Variants in RASA3 observed in about 807,000 individuals in gnomAD.
RASA3 encodes RAS p21 protein activator 3.
In RASA3, 73 loss-of-function variants were observed where a neutral mutation model predicts 110.0. The ratio of observed to expected loss-of-function variants is 0.66; its 90% CI spans 0.55 to 0.81. The LOEUF is 0.81. RASA3 is among the 30% of genes least tolerant of loss of function. The probability of loss-of-function intolerance (pLI) is 0.00; values close to 1 mark genes in which losing one functional copy is unlikely to be tolerated. For synonymous variants in RASA3, 500 were observed against 451.4 expected (o/e 1.11, Z -1.37); for missense variants, 976 against 1,113.2 (o/e 0.88, Z 1.75).
At position 113,979,225 on chromosome 13, in the gene RASA3, A is replaced by G. The variant is rs1256279404; in HGVS notation, c.*122T>C. On this transcript the variant is annotated 3_prime_UTR_variant, in exon 24 of 24. Coordinates refer to ENST00000334062, the MANE Select transcript of RASA3 (RefSeq NM_007368.4). ...AGGGAAACCCCAGCGCCACTTGTCT[A>G]TGGGCCGGGACGGCGTGCATCTCAC... The G allele has an allele frequency of 2.1e-6, 2 of 971,544 alleles. No individual in the cohort carries two copies. Among genetic ancestry groups the G allele is most frequent in the Non-Finnish European group, 3.2e-6 (2 of 624,788 alleles). 60.2% of individuals were successfully genotyped at this position (971,544 alleles called of 1,614,324 possible). A position where few individuals can be genotyped will look rare whatever the true frequency, so the allele number is the denominator to read the frequency against.
chr13:114,051,059 G>A (rs1285629601), intron 3 of RASA3, among the ~76,000 whole-genome samples: 1 of 152,212 alleles, frequency 6.6e-6, no homozygotes, highest in African/African-American at 2.4e-5. Flanking sequence ...AGCGTCAGAT[G>A]GACCGGGACC....
At chr13:113,983,169 G>A (rs928623297) in intron 22 of RASA3, among the ~76,000 whole-genome samples, 1 of 140,300 alleles carries the variant, frequency 7.1e-6, no homozygotes, top group African/African-American at 2.6e-5. Context: ...CTCGGGAGAG[G>A]AGAGCTGCAG....
intron 3 of RASA3, among the ~76,000 whole-genome samples, chr13:114,043,728 G>A (rs2078978862): frequency 6.6e-6 from 1 of 152,048 alleles, no homozygotes; most frequent in Admixed American, 6.5e-5. Context: ...GGCTCAGAGA[G>A]AAATCCAGTG....
At position 113,983,392 on chromosome 13, in the gene RASA3, A is replaced by G. The variant is rs1403710724; in HGVS notation, c.2246-1534T>C. On this transcript the variant is annotated intron_variant, in intron 22 of 23. Transcript: ENST00000334062. The stretch of plus-strand genomic sequence containing the variant: ...TCGCGAGTGATGACATCAGACACGT[A>G]ATTGAGGAGATTTCTAAGCAAAATG... Among the ~76,000 whole-genome samples the G allele has an allele frequency of 1.5e-5, 2 of 129,494 alleles. 1 individual carries two copies. Among genetic ancestry groups the G allele is most frequent in the Non-Finnish European group, 3.5e-5 (2 of 56,580 alleles). The allele number at this position is 129,494 out of a possible 152,430, so 85.0% of individuals were successfully genotyped here. A position where few individuals can be genotyped will look rare whatever the true frequency, so the allele number is the denominator to read the frequency against.
At chr13:114,097,677 C>G (rs1264571280) in intron 1 of RASA3, among the ~76,000 whole-genome samples, 5 of 152,254 alleles carry the variant, frequency 3.3e-5, no homozygotes, top group Admixed American at 3.3e-4. Flanking sequence ...TCGTCCCAGT[C>G]CATCTTACAG....
intron 1 of RASA3, 97 bp downstream of exon 1, chr13:114,132,338 C>T (rs569143610): frequency 1.0e-3 from 1,324 of 1,265,878 alleles, no homozygotes; most frequent in South Asian, 3.6e-3. Flanking sequence ...GCGTCTCCGC[C>T]GGGGTCCCCA....
At chr13:113,982,323 C>T (rs2052955299) in intron 22 of RASA3, among the ~76,000 whole-genome samples, 1 of 152,196 alleles carries the variant, frequency 6.6e-6, no homozygotes, top group Admixed American at 6.5e-5. Flanking sequence ...CATTTCACAC[C>T]CAGCTGCCAC....
intron 1 of RASA3, among the ~76,000 whole-genome samples, chr13:114,100,620 C>T (rs796237950): frequency 1.1e-4 from 16 of 152,366 alleles, no homozygotes; most frequent in African/African-American, 3.8e-4. Flanking sequence ...AGGCGGCTGA[C>T]GTGGCTTCCA....
chr13:114,074,368 C>A (rs1459738892), intron 1 of RASA3, among the ~76,000 whole-genome samples: 1 of 152,198 alleles, frequency 6.6e-6, no homozygotes, highest in African/African-American at 2.4e-5. Context: ...TCGGCGGGAT[C>A]CACAGGACGT....
chr13:114,097,640 C>T (rs750138761), intron 1 of RASA3, among the ~76,000 whole-genome samples: 14 of 152,266 alleles, frequency 9.2e-5, no homozygotes, highest in Non-Finnish European at 1.5e-4. Flanking sequence ...CGGAAGTGCC[C>T]GGCCACAAAG....
chr13:114,052,964 T>C (rs1481218219), intron 2 of RASA3, among the ~76,000 whole-genome samples: 16 of 54,578 alleles, frequency 2.9e-4, no homozygotes, highest in African/African-American at 8.6e-4. Flanking sequence ...GGGGGAGAAA[T>C]CGCCACTGCT....
intron 22 of RASA3, among the ~76,000 whole-genome samples, chr13:113,990,784 G>A (rs559073179): frequency 6.6e-6 from 1 of 152,380 alleles, no homozygotes; most frequent in Non-Finnish European, 1.5e-5. Flanking sequence ...GCACATGTGT[G>A]CAGGTATTGT....
Position 114,014,346 on chromosome 13 carries a change from C to T in RASA3, c.1405+863G>A, listed in dbSNP as rs973204092. ...GCTTGGGAACTGCCTCCCCCAGAAC[C>T]CTGGGCCCCTCGGCCGGCGCTGTCT... On this transcript the variant is annotated intron_variant, in intron 14 of 23. Transcript: ENST00000334062. The surrounding 1 kb of genome is among the most constrained non-coding windows in gnomAD (Gnocchi z 4.5). Among the ~76,000 whole-genome samples the T allele has an allele frequency of 5.3e-5, 8 of 152,214 alleles. No homozygotes were observed. The highest frequency in any genetic ancestry group is 4.6e-4 in the Admixed American group (7 of 15,282).
rs1555322769 is a variant in RASA3 at position 113,980,502 on chromosome 13, G to GCCATGTGTGTGCATCTTT, written c.2430-1081_2430-1080insAAAGATGCACACACATGG. On this transcript the variant is annotated intron_variant, in intron 23 of 23. Transcript: ENST00000334062. ...ACCTCCTGCCATGTGTGTGCATCTT[G>GCCATGTGTGTGCATCTTT]TACCATGTGTGCCTCGTGTGCGCCT... is the stretch of plus-strand genomic sequence containing the variant. 5.6e-3 allele frequency among the ~76,000 whole-genome samples: 853 copies of GCCATGTGTGTGCATCTTT among 151,570 alleles called. 20 individuals are homozygous for GCCATGTGTGTGCATCTTT. Among genetic ancestry groups the GCCATGTGTGTGCATCTTT allele is most frequent in the East Asian group, 0.054 (278 of 5,156 alleles).
intron 3 of RASA3, among the ~76,000 whole-genome samples, chr13:114,046,465 G>A (rs1398208436): frequency 6.6e-6 from 1 of 152,194 alleles, no homozygotes; most frequent in Non-Finnish European, 1.5e-5. Context: ...GGCACCTCCG[G>A]GCACTGCTGC....
chr13:114,011,783 G>A lies in RASA3; in HGVS notation c.1513-535C>T, dbSNP rs768400883. ...AATAAAAATACAAAATTAGCTGGGC[G>A]TGGTGGCGCACGTCTGTAATCCAAG... On this transcript the variant is annotated intron_variant, in intron 15 of 23. Coordinates refer to ENST00000334062, the MANE Select transcript of RASA3 (RefSeq NM_007368.4). The surrounding 1 kb of genome is among the most constrained non-coding windows in gnomAD (Gnocchi z 4.8). Among the ~76,000 whole-genome samples, 5 of 152,078 alleles carry A rather than the reference G, an allele frequency of 3.3e-5. No homozygotes were observed. Among genetic ancestry groups the A allele is most frequent in the East Asian group, 1.9e-4 (1 of 5,182 alleles).
At chr13:114,121,283 C>T (rs2080372836) in intron 1 of RASA3, among the ~76,000 whole-genome samples, 1 of 152,208 alleles carries the variant, frequency 6.6e-6, no homozygotes, top group South Asian at 2.1e-4. Flanking sequence ...GGGACCAGGC[C>T]CCTGAGAGCC....
At chr13:114,018,660 C>G in intron 10 of RASA3, 103 bp downstream of exon 10, 1 of 1,428,522 alleles carries the variant, frequency 7.0e-7, no homozygotes, top group Non-Finnish European at 9.5e-7. Context: ...GAAAGGCCCC[C>G]TCAGGGAGAA....
chr13:114,041,361 C>A (rs1440504612), intron 3 of RASA3, among the ~76,000 whole-genome samples: 1 of 152,246 alleles, frequency 6.6e-6, no homozygotes, highest in African/African-American at 2.4e-5. Context: ...GGCACTGTAT[C>A]TCTAAAAATT....
Sources: gnomAD v4.1 joint callset for allele counts (sites outside exome capture counted in the v4.1 genomes callset) on GRCh38, gnomAD v4.1.1 for gene constraint, Gnocchi (gnomAD v3.1) non-coding constraint, MANE v1.5 for transcripts, NCBI Gene and HGNC (gene_info 2026-07-23, HGNC 2026-07-21) for gene names.